AP3M2: variants seen among roughly 807,000 people sequenced by gnomAD.
The protein encoded by AP3M2 is adaptor related protein complex 3 subunit mu 2.
In AP3M2, 28 loss-of-function variants were observed where a neutral mutation model predicts 41.6. That is an observed-to-expected ratio of 0.67 (90% CI 0.50 to 0.92). The LOEUF (loss-of-function observed/expected upper bound fraction) is 0.92, where lower values mean the gene tolerates loss of function less well. Ranked by LOEUF, AP3M2 falls within the 40% of genes least tolerant of loss-of-function variation. AP3M2 has a pLI of 0.00. For synonymous variants in AP3M2, 193 were observed against 186.4 expected (o/e 1.04, Z -0.29); for missense variants, 427 against 521.4 (o/e 0.82, Z 1.76).
In AP3M2 at chr8:42,167,189, A is replaced by C; in HGVS notation, c.829A>C (p.Lys277Gln). The C allele has an allele frequency of 6.2e-7, 1 of 1,614,162 alleles. No homozygotes were observed. Among genetic ancestry groups the C allele is most frequent in the Non-Finnish European group, 8.5e-7 (1 of 1,180,030 alleles). ...QNLVAIPVYV[K>Q]HNISFRDSSS... is the part of the protein sequence containing the mutation. ...TCTGGTTGCAATCCCAGTGTATGTC[A>C]AACATAACATCAGTTTCCGGGACAG... The change falls in exon 7 of 9, where the codon AAA (lysine) becomes CAA (glutamine). Residue 277 changes from lysine to glutamine, a missense_variant. Physicochemically the swap from Lys to Gln is moderately conservative, Grantham distance 53. Coordinates refer to ENST00000396926, the MANE Select transcript of AP3M2 (RefSeq NM_006803.4).
intron 6 of AP3M2, 86 bp downstream of exon 6, chr8:42,165,646 C>G: frequency 2.7e-6 from 4 of 1,495,430 alleles, no homozygotes; most frequent in Non-Finnish European, 2.7e-6. Context: ...AACTCAGGCT[C>G]TAGAGTTACC....
chr8:42,154,306 C>T (rs985359811), intron 1 of AP3M2: 1 of 186,248 alleles, frequency 5.4e-6, no homozygotes, highest in Non-Finnish European at 1.1e-5. Flanking sequence ...AGTCAGGCAA[C>T]GCAAAACATG....
chr8:42,167,229 G>A lies in AP3M2; in HGVS notation c.869G>A (p.Arg290His), dbSNP rs754955022. The change falls in exon 7 of 9, where the codon CGC (arginine) becomes CAC (histidine). Residue 290 changes from arginine (R) to histidine (H), a missense_variant. Coordinates refer to ENST00000396926, the MANE Select transcript of AP3M2 (RefSeq NM_006803.4). ...ISFRDSSSLGRFEITVGPKQT... is the reference protein window; with the variant it reads ...ISFRDSSSLGHFEITVGPKQT... ...TTCCGGGACAGTAGTTCCCTTGGACGCTTTGAAATAACGGTGGGACCCAAG... is the reference window on the plus strand; with the variant it reads ...TTCCGGGACAGTAGTTCCCTTGGACACTTTGAAATAACGGTGGGACCCAAG... The A allele has an allele frequency of 6.2e-6, 10 of 1,614,064 alleles. No homozygotes were observed. Among genetic ancestry groups the A allele is most frequent in the Non-Finnish European group, 5.9e-6 (7 of 1,180,010 alleles).
At chr8:42,165,047 C>G in intron 4 of AP3M2, 24 bp from the exon 5 acceptor site, 2 of 1,602,758 alleles carry the variant, frequency 1.2e-6, no homozygotes, top group Non-Finnish European at 1.7e-6. Flanking sequence ...AATCTGTGTT[C>G]TTTTTGTCTT....
intron 6 of AP3M2, among the ~76,000 whole-genome samples, chr8:42,166,469 G>T (rs965685904): frequency 1.1e-4 from 16 of 151,124 alleles, no homozygotes; most frequent in African/African-American, 3.9e-4. Flanking sequence ...ACCTTATGGG[G>T]TTTTTGTAAG....
intron 4 of AP3M2, among the ~76,000 whole-genome samples, chr8:42,164,847 T>G (rs532406886): frequency 6.6e-6 from 1 of 152,298 alleles, no homozygotes; most frequent in South Asian, 2.1e-4. Context: ...CCATAGTGTC[T>G]CATGCTTGAT....
At position 42,167,359 on chromosome 8, in the gene AP3M2, C is replaced by G. The variant is rs749032635; in HGVS notation, c.999C>G (p.Asp333Glu). 1.2e-6 allele frequency: 2 copies of G among 1,614,090 alleles called. No homozygotes were observed. The highest frequency in any genetic ancestry group is 1.7e-6 in the Non-Finnish European group (2 of 1,179,964). Residue 333 changes from aspartate (D) to glutamate (E), a missense_variant, in exon 7 of 9, where the codon GAC (aspartate) becomes GAG (glutamate). By Grantham distance (45) the Asp-to-Glu change is conservative (BLOSUM62 2). This residue lies in a region of AP3M2 where 237 missense variants were observed against 284.9 expected (regional missense o/e 0.83). Coordinates refer to ENST00000396926, the MANE Select transcript of AP3M2 (RefSeq NM_006803.4). Reference protein sequence around the residue: ...LTPSQGTHTFDPVTKMLSWDV... With the variant: ...LTPSQGTHTFEPVTKMLSWDV... ...CATCACAGGGGACACACACATTCGA[C>G]CCAGTCACAAAGGTAGGGATGAGCA...
chr8:42,161,224 G>A (rs1420411518), intron 3 of AP3M2, among the ~76,000 whole-genome samples: 1 of 152,016 alleles, frequency 6.6e-6, no homozygotes, highest in Non-Finnish European at 1.5e-5. Context: ...GATCACTTGA[G>A]CCCAGGAGGT....
chr8:42,167,890 T>C (rs984038487), intron 8 of AP3M2, 80 bp downstream of exon 8: 1 of 1,488,324 alleles, frequency 6.7e-7, no homozygotes, highest in Non-Finnish European at 9.1e-7. Context: ...CAGGAAGCCT[T>C]TCTGGGCTTC....
At chr8:42,156,572 A>G (rs968279757) in intron 2 of AP3M2, among the ~76,000 whole-genome samples, 3 of 152,208 alleles carry the variant, frequency 2.0e-5, no homozygotes, top group Non-Finnish European at 4.4e-5. Flanking sequence ...TTAAAAATAA[A>G]TCACTTTTGG....
At chr8:42,162,551 C>T (rs373713447) in intron 4 of AP3M2, 133 bp downstream of exon 4, 2 of 1,028,474 alleles carry the variant, frequency 1.9e-6, no homozygotes, top group Non-Finnish European at 2.8e-6. Context: ...GTGCCAGGCA[C>T]TGTGCTGGGT....
In AP3M2 at chr8:42,170,469, C is replaced by T. The variant is rs924449257; in HGVS notation, c.*1408C>T. ...TTGTCCTAGTTCAGTGTGTCTGTTA[C>T]TATTTAAATATTTATACAAAAGGGT... On this transcript the variant is annotated 3_prime_UTR_variant, in exon 9 of 9. Coordinates refer to ENST00000396926, the MANE Select transcript of AP3M2 (RefSeq NM_006803.4). 1.3e-5 allele frequency: 2 copies of T among 152,118 alleles called. No homozygotes were observed. Among genetic ancestry groups the T allele is most frequent in the Non-Finnish European group, 2.9e-5 (2 of 68,038 alleles). The allele number at this position is 152,118 out of a possible 1,614,324, so 9.4% of individuals were successfully genotyped here.
intron 4 of AP3M2, among the ~76,000 whole-genome samples, chr8:42,163,544 T>A (rs1301332195): frequency 6.6e-6 from 1 of 152,192 alleles, no homozygotes; most frequent in Non-Finnish European, 1.5e-5. Flanking sequence ...TGTTTATGCT[T>A]CATCAGTGGA....
chr8:42,168,177 C>T (rs1227453734), intron 8 of AP3M2: 1 of 468,980 alleles, frequency 2.1e-6, no homozygotes, highest in African/African-American at 2.0e-5. Flanking sequence ...GTAATTTCCA[C>T]TCCTTTCTTC....
intron 4 of AP3M2, among the ~76,000 whole-genome samples, chr8:42,163,694 G>C (rs1804568489): frequency 6.6e-6 from 1 of 152,214 alleles, no homozygotes; most frequent in Non-Finnish European, 1.5e-5. Context: ...ATGCAATTTA[G>C]TCTAAGGTAA....
rs1331438117 is a variant in AP3M2, at chr8:42,158,131, CTGAT to C, written c.445+20_445+23del. 4 of 1,607,018 alleles carry C rather than the reference CTGAT, an allele frequency of 2.5e-6. No individual in the cohort carries two copies. The highest frequency in any genetic ancestry group is 3.4e-6 in the Non-Finnish European group (4 of 1,174,132). ...ATCACAGGTACGGCAGAGGGGGAAACTGATAGATAGTGGCCATCCTACAGCCTGA... is the reference window on the plus strand; with the variant it reads ...ATCACAGGTACGGCAGAGGGGGAAACAGATAGTGGCCATCCTACAGCCTGA... On this transcript the variant is annotated intron_variant, in intron 3 of 8. Transcript: ENST00000396926.
At chr8:42,162,762 T>C (rs551643757) in intron 4 of AP3M2, among the ~76,000 whole-genome samples, 8 of 151,672 alleles carry the variant, frequency 5.3e-5, no homozygotes, top group African/African-American at 1.5e-4. Flanking sequence ...CTGAGCAACA[T>C]AGTGAGACCC....
intron 3 of AP3M2, 35 bp downstream of exon 3, chr8:42,158,147 A>C: frequency 6.3e-7 from 1 of 1,597,742 alleles, no homozygotes. Context: ...GATAGTGGCC[A>C]TCCTACAGCC....
At chr8:42,157,223 C>T (rs1182254867) in intron 2 of AP3M2, among the ~76,000 whole-genome samples, 1 of 152,168 alleles carries the variant, frequency 6.6e-6, no homozygotes, top group Non-Finnish European at 1.5e-5. Context: ...ATTAGTCATG[C>T]CTAATTCTTA....
Sources: gnomAD v4.1 joint callset for allele counts (sites outside exome capture counted in the v4.1 genomes callset) on GRCh38, gnomAD v4.1.1 for gene constraint, gnomAD v4.1.1 regional missense constraint, MANE v1.5 for transcripts, NCBI Gene and HGNC (gene_info 2026-07-23, HGNC 2026-07-21) for gene names.